LRRC7: variants seen among roughly 807,000 people sequenced by gnomAD.
LRRC7 encodes leucine rich repeat containing 7, also known as leucine-rich repeat-containing protein 7.
Under a neutral mutation model 175.7 loss-of-function variants are expected in LRRC7, and 23 were observed. The ratio of observed to expected loss-of-function variants is 0.13; its 90% confidence interval spans 0.09 to 0.19. LRRC7 has a LOEUF of 0.19. Among genes scored for constraint, LRRC7 ranks in the 10% least tolerant of loss-of-function variants. The probability of loss-of-function intolerance (pLI) is 1.00; values close to 1 mark genes in which losing one functional copy is unlikely to be tolerated. For missense variants in LRRC7, 1,354 were observed against 1,904.7 expected (o/e 0.71, Z 5.38); for synonymous variants, 685 against 680.9 (o/e 1.01, Z -0.09).
At chr1:69,569,414 G>A (rs1645638371) in intron 1 of LRRC7, among the ~76,000 whole-genome samples, 1 of 152,004 alleles carries the variant, frequency 6.6e-6, no homozygotes, top group South Asian at 2.1e-4. Flanking sequence ...TCCCCTTGAG[G>A]ATCTTGCGTC....
intron 1 of LRRC7, among the ~76,000 whole-genome samples, chr1:69,578,213 A>C (rs1646037690): frequency 6.6e-6 from 1 of 151,542 alleles, no homozygotes; most frequent in African/African-American, 2.4e-5. Flanking sequence ...ACTGGCCATC[A>C]GAGAAATGCA....
At chr1:69,962,411 A>T (rs1651188094) in intron 8 of LRRC7, among the ~76,000 whole-genome samples, 1 of 152,226 alleles carries the variant, frequency 6.6e-6, no homozygotes, top group African/African-American at 2.4e-5. Flanking sequence ...CCATTGTGGA[A>T]GATAGTGTGA....
intron 1 of LRRC7, among the ~76,000 whole-genome samples, chr1:69,630,213 T>C (rs1572984): frequency 0.65 from 99,243 of 151,984 alleles, 32,760 homozygotes; most frequent in Middle Eastern, 0.72. Context: ...CAAACAACTT[T>C]GGATGTCTTC....
In LRRC7 at chr1:70,142,900, A is replaced by ATGTT. The variant is rs1667122567; in HGVS notation, c.*21015_*21018dup. 6.6e-6 allele frequency: 1 copy of ATGTT among 151,940 alleles called. No individual in the cohort carries two copies. The highest frequency in any genetic ancestry group is 2.4e-5 in the African/African-American group (1 of 41,396). The allele number at this position is 151,940 out of a possible 1,614,324, so 9.4% of individuals were successfully genotyped here. On this transcript the variant is annotated 3_prime_UTR_variant, in exon 27 of 27. Coordinates refer to ENST00000651989, the MANE Select transcript of LRRC7 (RefSeq NM_001370785.2). ...AAGGATACTAGATATTATGTTTTGG[A>ATGTT]TGTTTTCTAAGTATCTATGAAAATT...
intron 1 of LRRC7, among the ~76,000 whole-genome samples, chr1:69,570,071 G>A (rs1192014987): frequency 6.6e-6 from 1 of 152,056 alleles, no homozygotes; most frequent in African/African-American, 2.4e-5. Context: ...TGTATATGTC[G>A]AAATGTGGCT....
At position 70,143,233 on chromosome 1, in the gene LRRC7, T is replaced by C. The variant is rs1173803247; in HGVS notation, c.*21346T>C. On this transcript the variant is annotated 3_prime_UTR_variant, in exon 27 of 27. Coordinates refer to ENST00000651989, the MANE Select transcript of LRRC7 (RefSeq NM_001370785.2). ...TTTTTTTAATGATCTCTGACTTCACTACCATATGTGCAGCACAACAGTGAC... is the reference window on the plus strand; with the variant it reads ...TTTTTTTAATGATCTCTGACTTCACCACCATATGTGCAGCACAACAGTGAC... 1 of 151,332 alleles carries C rather than the reference T, an allele frequency of 6.6e-6. No homozygotes were observed. The highest frequency in any genetic ancestry group is 1.5e-5 in the Non-Finnish European group (1 of 67,864). 9.4% of individuals were successfully genotyped at this position (151,332 alleles called of 1,614,324 possible). A position where few individuals can be genotyped will look rare whatever the true frequency, so the allele number is the denominator to read the frequency against.
intron 11 of LRRC7, among the ~76,000 whole-genome samples, chr1:69,998,129 T>A (rs1275869076): frequency 1.3e-5 from 2 of 152,222 alleles, no homozygotes; most frequent in Non-Finnish European, 2.9e-5. Flanking sequence ...CTTATTTTTT[T>A]AAATAGCTTT....
chr1:69,605,125 G>T (rs1459659361), intron 1 of LRRC7, among the ~76,000 whole-genome samples: 1 of 152,138 alleles, frequency 6.6e-6, no homozygotes, highest in Non-Finnish European at 1.5e-5. Context: ...GAGAAATCTT[G>T]TGGGAGGTAA....
intron 1 of LRRC7, among the ~76,000 whole-genome samples, chr1:69,576,896 C>T (rs929214832): frequency 1.3e-5 from 2 of 152,088 alleles, no homozygotes; most frequent in African/African-American, 4.8e-5. Flanking sequence ...TCAACCTCTC[C>T]CAGTCCAGGG....
rs183122417 is a variant in LRRC7 at position 69,816,186 on chromosome 1, C to T, written c.422-9562C>T. ...ACAGACGGGGTTTCACCATGTTGGC[C>T]AGGCTAGTCTCGAACTCCTGACCTC... is the stretch of plus-strand genomic sequence containing the variant. On this transcript the variant is annotated intron_variant, in intron 4 of 26. Transcript: ENST00000651989. Among the ~76,000 whole-genome samples, 1,507 of 152,078 alleles carry T rather than the reference C, an allele frequency of 9.9e-3. 6 individuals are homozygous for T. Among genetic ancestry groups the T allele is most frequent in the Non-Finnish European group, 0.015 (1,041 of 67,980 alleles).
At chr1:70,090,011 A>G (rs556630353) in intron 25 of LRRC7, among the ~76,000 whole-genome samples, 192 bp downstream of exon 25, 1 of 152,262 alleles carries the variant, frequency 6.6e-6, no homozygotes, top group East Asian at 1.9e-4. Context: ...TACTAAGAAT[A>G]AAGGGAAAAG....
intron 1 of LRRC7, among the ~76,000 whole-genome samples, chr1:69,627,266 C>A (rs1651742918): frequency 6.6e-6 from 1 of 152,180 alleles, no homozygotes; most frequent in Non-Finnish European, 1.5e-5. Context: ...GATCACCATT[C>A]TAACTGGTGT....
intron 1 of LRRC7, among the ~76,000 whole-genome samples, chr1:69,646,421 AT>A (rs1322059549): frequency 6.6e-6 from 1 of 152,180 alleles, no homozygotes; most frequent in African/African-American, 2.4e-5. Flanking sequence ...TGTGGTACAT[AT>A]ATAACATTTA....
chr1:69,681,479 C>T (rs1660484159), intron 2 of LRRC7, among the ~76,000 whole-genome samples: 1 of 152,028 alleles, frequency 6.6e-6, no homozygotes, highest in Non-Finnish European at 1.5e-5. Flanking sequence ...ACAATATTTG[C>T]AATGTTAAAA....
chr1:69,801,730 T>TA (rs557860145), intron 4 of LRRC7, among the ~76,000 whole-genome samples: 9 of 151,470 alleles, frequency 5.9e-5, no homozygotes, highest in South Asian at 4.2e-4. Context: ...TCTGCTCTGA[T>TA]TTTTTTTATT....
chr1:70,048,532 A>T (rs912984607), intron 22 of LRRC7, among the ~76,000 whole-genome samples: 3 of 152,094 alleles, frequency 2.0e-5, no homozygotes, highest in Non-Finnish European at 1.5e-5. Context: ...GTAAAACCTA[A>T]CATTTTCATA....
rs35098033 is a variant in LRRC7 at position 70,103,116 on chromosome 1, C to T, written c.4546-4636C>T. The stretch of plus-strand genomic sequence containing the variant: ...TGGTAGCACATGCCTGTAGTCACAG[C>T]TACGCAGGAGGCTGAGGTGGGAGGA... On this transcript the variant is annotated intron_variant, in intron 25 of 26. Transcript: ENST00000651989. 1.7e-3 allele frequency among the ~76,000 whole-genome samples: 254 copies of T among 152,004 alleles called. 1 individual carries two copies. Among genetic ancestry groups the T allele is most frequent in the Admixed American group, 4.5e-3 (68 of 15,258 alleles).
intron 3 of LRRC7, among the ~76,000 whole-genome samples, chr1:69,782,517 T>G (rs1464885732): frequency 6.6e-6 from 1 of 152,036 alleles, no homozygotes; most frequent in Non-Finnish European, 1.5e-5. Flanking sequence ...ATTTGTAAAG[T>G]CAAGGCAGAG....
chr1:69,719,879 CTAA>C (rs1308272094), intron 2 of LRRC7, among the ~76,000 whole-genome samples: 9 of 151,550 alleles, frequency 5.9e-5, no homozygotes, highest in African/African-American at 1.9e-4. Context: ...CTTTTTATCT[CTAA>C]TAATGCCTTT....
Sources: gnomAD v4.1 joint callset for allele counts (sites outside exome capture counted in the v4.1 genomes callset) on GRCh38, gnomAD v4.1.1 for gene constraint, MANE v1.5 for transcripts, NCBI Gene and HGNC (gene_info 2026-07-23, HGNC 2026-07-21) for gene names.